ADGB: variants seen among roughly 807,000 people sequenced by gnomAD.
ADGB encodes the protein androglobin, also known as calpain-7-like protein.
In ADGB, 172 loss-of-function variants were observed where a neutral mutation model predicts 210.5. That is an observed-to-expected ratio of 0.82 (90% CI 0.72 to 0.93). ADGB has a LOEUF of 0.93. Ranked by LOEUF, ADGB falls within the 40% of genes least tolerant of loss-of-function variation. The probability of loss-of-function intolerance (pLI) is 0.00; values close to 1 mark genes in which losing one functional copy is unlikely to be tolerated. For synonymous variants in ADGB, 658 were observed against 662.7 expected (o/e 0.99, Z 0.11); for missense variants, 2,025 against 1,964.8 (o/e 1.03, Z -0.58).
chr6:146,603,065 C>G (rs527253359), intron 1 of ADGB, among the ~76,000 whole-genome samples: 1 of 152,232 alleles, frequency 6.6e-6, no homozygotes, highest in East Asian at 1.9e-4. Context: ...ATCATGAGGT[C>G]CCACCCTCAT....
At chr6:146,810,962 T>C (rs1214469861) in intron 35 of ADGB, among the ~76,000 whole-genome samples, 1 of 152,238 alleles carries the variant, frequency 6.6e-6, no homozygotes, top group Admixed American at 6.5e-5. Context: ...AACCATCCTG[T>C]GGTATACTTC....
intron 27 of ADGB, among the ~76,000 whole-genome samples, chr6:146,763,037 C>T (rs569943524): frequency 6.6e-6 from 1 of 152,270 alleles, no homozygotes; most frequent in South Asian, 2.1e-4. Context: ...TCAAATTTTA[C>T]TTGTTGCAGG....
At chr6:146,724,413 CT>C (rs1174136878) in intron 18 of ADGB, 86 bp downstream of exon 18, 1 of 1,312,304 alleles carries the variant, frequency 7.6e-7, no homozygotes, top group Non-Finnish European at 1.0e-6. Flanking sequence ...ACAATATGGA[CT>C]CTAAGACATT....
chr6:146,733,853 A>T lies in ADGB; in HGVS notation c.2657-40A>T. On this transcript the variant is annotated intron_variant, in intron 21 of 35. Coordinates refer to ENST00000397944, the MANE Select transcript of ADGB (RefSeq NM_024694.4). The stretch of plus-strand genomic sequence containing the variant: ...GCGTTGAAACTTAGGGAAGGGATTA[A>T]ATATAACTTTCAGTCCAAAGTTTGT... The T allele has an allele frequency of 3.9e-6, 6 of 1,550,572 alleles. No individual in the cohort carries two copies. In the South Asian group the frequency reaches 4.8e-5, roughly 12 times the overall value.
chr6:146,654,407 C>T (rs1259702475), intron 4 of ADGB, among the ~76,000 whole-genome samples: 1 of 149,490 alleles, frequency 6.7e-6, no homozygotes, highest in East Asian at 2.0e-4. Flanking sequence ...GGCTAGAGTG[C>T]AGTGGTGTGA....
intron 1 of ADGB, among the ~76,000 whole-genome samples, chr6:146,629,490 T>G (rs1781028153): frequency 6.6e-6 from 1 of 152,186 alleles, no homozygotes; most frequent in Non-Finnish European, 1.5e-5. Flanking sequence ...GAGATAAAGC[T>G]TAATAGCTTC....
chr6:146,698,617 G>A (rs1011461850), intron 12 of ADGB, among the ~76,000 whole-genome samples: 3 of 152,132 alleles, frequency 2.0e-5, no homozygotes, highest in Non-Finnish European at 2.9e-5. Context: ...ACAAATATTG[G>A]CAGTTGGCAA....
intron 29 of ADGB, among the ~76,000 whole-genome samples, chr6:146,774,512 T>C (rs1430636361): frequency 6.6e-6 from 1 of 152,198 alleles, no homozygotes; most frequent in Non-Finnish European, 1.5e-5. Flanking sequence ...AGCAAAGAAA[T>C]TCAGAATTAA....
intron 21 of ADGB, among the ~76,000 whole-genome samples, chr6:146,733,623 CAT>C (rs1224676103): frequency 6.6e-6 from 1 of 152,156 alleles, no homozygotes; most frequent in Non-Finnish European, 1.5e-5. Flanking sequence ...ATCATTTTAA[CAT>C]GTCTTTTATT....
In ADGB at chr6:146,801,192, C is replaced by T. The variant is rs766537935; in HGVS notation, c.4547C>T (p.Pro1516Leu). The change falls in exon 34 of 36, where the codon CCT (proline) becomes CTT (leucine). Residue 1516 changes from proline to leucine, a missense_variant. Physicochemically the swap from Pro to Leu is moderately conservative, Grantham distance 98. Transcript: ENST00000397944. ...TGTGTTTTTTTTAAAGAAACAGGAC[C>T]TCGTACACGATCTCCAACAATTTTG... is the stretch of plus-strand genomic sequence containing the variant. ...STRKENIQTG[P>L]RTRSPTILET... 4 of 1,492,462 alleles carry T rather than the reference C, an allele frequency of 2.7e-6. No individual in the cohort carries two copies. The highest frequency in any genetic ancestry group is 3.6e-6 in the Non-Finnish European group (4 of 1,119,360). 92.5% of individuals were successfully genotyped at this position (1,492,462 alleles called of 1,614,324 possible).
rs1364637161 is a variant in ADGB, at chr6:146,599,017, G to T, written c.-24G>T. 1.9e-6 allele frequency: 3 copies of T among 1,547,894 alleles called. No individual in the cohort carries two copies. Among genetic ancestry groups the T allele is most frequent in the Non-Finnish European group, 2.6e-6 (3 of 1,143,620 alleles). On this transcript the variant is annotated 5_prime_UTR_variant, in exon 1 of 36. Transcript: ENST00000397944. Reference sequence around the variant, plus strand: ...CCGCAGGCTCTTTGCTCAGAGCTCAGCCCTACATAGATCGGCTTCTGCCAT... The same window carrying T: ...CCGCAGGCTCTTTGCTCAGAGCTCATCCCTACATAGATCGGCTTCTGCCAT...
At chr6:146,712,359 G>T (rs1308990256) in intron 13 of ADGB, among the ~76,000 whole-genome samples, 11 of 148,482 alleles carry the variant, frequency 7.4e-5, no homozygotes, top group Admixed American at 7.3e-4. Flanking sequence ...TAATTTTTTT[G>T]TATTTTTAGT....
At chr6:146,746,926 C>T (rs578201634) in intron 26 of ADGB, among the ~76,000 whole-genome samples, 1 of 151,114 alleles carries the variant, frequency 6.6e-6, no homozygotes, top group African/African-American at 2.5e-5. Flanking sequence ...CCCACCTCTC[C>T]ACTTAAAAAA....
chr6:146,658,848 G>A (rs970387914), intron 5 of ADGB, among the ~76,000 whole-genome samples: 1 of 152,088 alleles, frequency 6.6e-6, no homozygotes, highest in Non-Finnish European at 1.5e-5. Context: ...CAGCTCCACT[G>A]GCTCCCTCTG....
intron 27 of ADGB, among the ~76,000 whole-genome samples, chr6:146,755,432 T>C (rs1777393067): frequency 6.6e-6 from 1 of 152,082 alleles, no homozygotes; most frequent in Admixed American, 6.6e-5. Flanking sequence ...TTCGGGATAG[T>C]AAGTGAGTTC....
At chr6:146,665,735 T>G (rs1485621721) in intron 6 of ADGB, among the ~76,000 whole-genome samples, 1 of 152,092 alleles carries the variant, frequency 6.6e-6, no homozygotes, top group African/African-American at 2.4e-5. Context: ...TCTTGGGAAT[T>G]CTGGTGGAAA....
At chr6:146,709,966 C>G (rs937623666) in intron 13 of ADGB, among the ~76,000 whole-genome samples, 2 of 151,996 alleles carry the variant, frequency 1.3e-5, no homozygotes, top group Non-Finnish European at 2.9e-5. Context: ...GGGGCAAATA[C>G]AGGAAAGTCT....
At chr6:146,617,506 G>T (rs1214840972) in intron 1 of ADGB, among the ~76,000 whole-genome samples, 1 of 151,978 alleles carries the variant, frequency 6.6e-6, no homozygotes, top group African/African-American at 2.4e-5. Context: ...GGGCATCATT[G>T]TCTTGTTCCA....
At chr6:146,676,619 C>G (rs1483395059) in intron 9 of ADGB, among the ~76,000 whole-genome samples, 178 bp downstream of exon 9, 10 of 152,156 alleles carry the variant, frequency 6.6e-5, no homozygotes. Flanking sequence ...CTACCAATGA[C>G]AGAAGCCTGT....
Sources: allele counts gnomAD v4.1 joint callset (sites outside exome capture counted in the v4.1 genomes callset), GRCh38; gene constraint gnomAD v4.1.1; transcripts MANE v1.5; gene names NCBI Gene and HGNC (gene_info 2026-07-23, HGNC 2026-07-21).